Variants in UBR3 observed in about 807,000 individuals in gnomAD.
UBR3 encodes the protein ubiquitin protein ligase E3 component n-recognin 3, also known as E3 ubiquitin-protein ligase UBR3.
UBR3 carries 85 observed loss-of-function variants against 243.2 expected under a neutral mutation model. That is an observed-to-expected ratio of 0.35 (90% CI 0.29 to 0.42). UBR3 has a LOEUF of 0.42. UBR3 is among the 10% of genes least tolerant of loss of function. The pLI is 1.00. For synonymous variants in UBR3, 748 were observed against 799.8 expected, an observed-to-expected ratio of 0.94 and a Z score of 1.09; for missense variants, 1,686 against 2,300.8, an observed-to-expected ratio of 0.73 and a Z score of 5.47.
At chr2:169,831,127 A>ATATATATATATATATATATTTTT (rs1450878762) in intron 1 of UBR3, among the ~76,000 whole-genome samples, 1 of 56,478 alleles carries the variant, frequency 1.8e-5, no homozygotes. Context: ...ATATATATAT[A>ATATATATATATATATATATTTTT]TTTTTTTTTT....
At chr2:169,958,070 C>T (rs1044758092) in intron 23 of UBR3, among the ~76,000 whole-genome samples, 1 of 141,586 alleles carries the variant, frequency 7.1e-6, no homozygotes, top group Non-Finnish European at 1.6e-5. Flanking sequence ...GTTATTTGTG[C>T]CTGGGATTAA....
chr2:169,852,875 A>AAAAAAC, intron 1 of UBR3, among the ~76,000 whole-genome samples: 1 of 81,482 alleles, frequency 1.2e-5, no homozygotes, highest in Non-Finnish European at 3.6e-5. Context: ...AAAAAAAAAA[A>AAAAAAC]AAACAAAACC....
intron 5 of UBR3, among the ~76,000 whole-genome samples, chr2:169,878,775 G>C (rs2354232): frequency 0.47 from 70,975 of 151,950 alleles, 18,513 homozygotes; most frequent in Non-Finnish European, 0.6. Flanking sequence ...TACTTAGTGA[G>C]AGAACGAGGT....
intron 34 of UBR3, 63 bp from the exon 35 acceptor site, chr2:170,061,255 A>G (rs1399757621): frequency 3.8e-6 from 6 of 1,583,762 alleles, no homozygotes; most frequent in Non-Finnish European, 5.1e-6. Context: ...GCCATTATGA[A>G]TGTAATTTTT....
intron 20 of UBR3, among the ~76,000 whole-genome samples, chr2:169,942,855 C>A (rs1028512034): frequency 6.6e-6 from 1 of 152,170 alleles, no homozygotes; most frequent in Admixed American, 6.5e-5. Flanking sequence ...TCTTATCTAG[C>A]TACCGATAAA....
At chr2:169,855,953 C>T (rs1321562755) in intron 1 of UBR3, among the ~76,000 whole-genome samples, 17 of 150,156 alleles carry the variant, frequency 1.1e-4, no homozygotes, top group African/African-American at 3.2e-4. Flanking sequence ...ACCTCCCGGA[C>T]GGGGCGGCTG....
At chr2:169,989,597 A>G (rs2089185178) in intron 25 of UBR3, among the ~76,000 whole-genome samples, 1 of 152,134 alleles carries the variant, frequency 6.6e-6, no homozygotes, top group African/African-American at 2.4e-5. Context: ...GCTGACATAT[A>G]CTTCTATAAA....
intron 23 of UBR3, among the ~76,000 whole-genome samples, chr2:169,951,617 G>C (rs189157051): frequency 6.6e-6 from 1 of 152,146 alleles, no homozygotes; most frequent in Non-Finnish European, 1.5e-5. Context: ...ACTCGCACAG[G>C]GTATAAATGG....
intron 1 of UBR3, among the ~76,000 whole-genome samples, chr2:169,848,329 T>G (rs1214448488): frequency 6.7e-6 from 1 of 149,536 alleles, no homozygotes; most frequent in Non-Finnish European, 1.5e-5. Flanking sequence ...TATAAAAGTA[T>G]CATAGTTTTT....
Position 169,989,284 on chromosome 2 carries a change from CTATTTATT to C in UBR3, c.3784+2500_3784+2507del, listed in dbSNP as rs146909614. 1.1e-4 allele frequency among the ~76,000 whole-genome samples: 16 copies of C among 152,060 alleles called. No homozygotes were observed. In the East Asian group the frequency reaches 3.1e-3, roughly 29 times the overall value. ...AGTGTTTAAAATTTTCCCATTGTCTCTATTTATTTATTTATTTTGCTTAATTTATTTAT... is the reference window on the plus strand; with the variant it reads ...AGTGTTTAAAATTTTCCCATTGTCTCTATTTATTTTGCTTAATTTATTTAT... On this transcript the variant is annotated intron_variant, in intron 25 of 38. Coordinates refer to ENST00000272793, the MANE Select transcript of UBR3 (RefSeq NM_172070.4).
At chr2:169,992,489 C>T (rs952175438) in intron 25 of UBR3, among the ~76,000 whole-genome samples, 2 of 152,084 alleles carry the variant, frequency 1.3e-5, no homozygotes, top group Non-Finnish European at 2.9e-5. Context: ...AGTATACATG[C>T]AAAAATTCTC....
At chr2:169,905,978 A>G in intron 9 of UBR3, 53 bp from the exon 10 acceptor site, 1 of 1,529,802 alleles carries the variant, frequency 6.5e-7, no homozygotes, top group Non-Finnish European at 8.8e-7. Flanking sequence ...GATATTTAAC[A>G]TGAATGTGTG....
intron 11 of UBR3, among the ~76,000 whole-genome samples, chr2:169,920,201 C>T (rs1314857017): frequency 6.6e-6 from 1 of 152,048 alleles, no homozygotes; most frequent in Non-Finnish European, 1.5e-5. Context: ...TCATTCTCAG[C>T]AAACTATTGC....
chr2:169,837,457 CAA>C (rs973881041), intron 1 of UBR3, among the ~76,000 whole-genome samples: 4 of 152,228 alleles, frequency 2.6e-5, no homozygotes, highest in Non-Finnish European at 5.9e-5. Flanking sequence ...GCCTGGGCAA[CAA>C]GAGGAAATCT....
chr2:170,014,912 G>A (rs2090189281), intron 29 of UBR3: 2 of 159,998 alleles, frequency 1.3e-5, no homozygotes, highest in African/African-American at 4.8e-5. Flanking sequence ...CACAGTGGCT[G>A]ACGTTGGAGT....
chr2:170,040,376 G>C (rs750729590), intron 31 of UBR3, among the ~76,000 whole-genome samples: 9 of 152,138 alleles, frequency 5.9e-5, no homozygotes, highest in Non-Finnish European at 1.0e-4. Context: ...AAAGTGCTGG[G>C]ATTACAGGCA....
rs145400958 is a variant in UBR3, at chr2:169,920,112, A to C, written c.1867-3817A>C. 1.4e-3 allele frequency among the ~76,000 whole-genome samples: 219 copies of C among 152,344 alleles called. 1 individual carries two copies. The highest frequency in any genetic ancestry group is 5.1e-3 in the African/African-American group (212 of 41,568). ...TAAGAAAACGTGGCAGATATACGCC[A>C]TGGAATATGTGTATATTCCAGCCAT... On this transcript the variant is annotated intron_variant, in intron 11 of 38. Coordinates refer to ENST00000272793, the MANE Select transcript of UBR3 (RefSeq NM_172070.4).
At chr2:169,985,251 G>A (rs568881835) in intron 24 of UBR3, among the ~76,000 whole-genome samples, 4 of 119,044 alleles carry the variant, frequency 3.4e-5, no homozygotes, top group Admixed American at 3.2e-4. Flanking sequence ...TTTCTGAGAC[G>A]TAGTTTCACT....
intron 5 of UBR3, among the ~76,000 whole-genome samples, chr2:169,890,036 T>C (rs1272829585): frequency 6.6e-6 from 1 of 152,164 alleles, no homozygotes; most frequent in Non-Finnish European, 1.5e-5. Flanking sequence ...AATATGTCAT[T>C]ATAATGTGGA....
Sources: allele counts gnomAD v4.1 joint callset (sites outside exome capture counted in the v4.1 genomes callset), GRCh38; gene constraint gnomAD v4.1.1; transcripts MANE v1.5; gene names NCBI Gene and HGNC (gene_info 2026-07-23, HGNC 2026-07-21).